The following BRINP3 variants were observed in gnomAD, a reference collection of about 807,000 sequenced individuals.
BRINP3 encodes BMP/retinoic acid inducible neural specific 3.
In BRINP3, 19 loss-of-function variants were observed where a neutral mutation model predicts 71.0. That is an observed-to-expected ratio of 0.27 (90% CI 0.19 to 0.39). The LOEUF (loss-of-function observed/expected upper bound fraction) is 0.39. Ranked by LOEUF, BRINP3 falls within the 10% of genes least tolerant of loss-of-function variation. The pLI is 1.00. For missense variants in BRINP3, 959 were observed against 940.8 expected (o/e 1.02, Z -0.25); for synonymous variants, 380 against 337.7 (o/e 1.13, Z -1.37).
chr1:190,434,964 AG>A (rs1674358300), intron 2 of BRINP3, among the ~76,000 whole-genome samples: 1 of 152,128 alleles, frequency 6.6e-6, no homozygotes, highest in Admixed American at 6.6e-5. Context: ...TTAACAGTAT[AG>A]TTTTCTGTGC....
At chr1:190,304,931 T>C (rs1053008272) in intron 2 of BRINP3, among the ~76,000 whole-genome samples, 1 of 151,432 alleles carries the variant, frequency 6.6e-6, no homozygotes, top group Non-Finnish European at 1.5e-5. Flanking sequence ...AATCAAATAA[T>C]CCAGTTAAAA....
intron 7 of BRINP3, among the ~76,000 whole-genome samples, chr1:190,118,471 T>C (rs979497380): frequency 1.6e-4 from 24 of 152,210 alleles, no homozygotes; most frequent in African/African-American, 5.8e-4. Context: ...ATGTTCCAGA[T>C]ACTTTTCTAA....
intron 6 of BRINP3, among the ~76,000 whole-genome samples, chr1:190,185,249 A>G (rs1433082489): frequency 6.6e-6 from 1 of 152,170 alleles, no homozygotes; most frequent in Admixed American, 6.5e-5. Context: ...AGGAACTCAT[A>G]CAACTCAATA....
intron 6 of BRINP3, among the ~76,000 whole-genome samples, chr1:190,185,886 T>A (rs1280154995): frequency 6.6e-6 from 1 of 152,122 alleles, no homozygotes; most frequent in East Asian, 1.9e-4. Flanking sequence ...ATATTCAATA[T>A]CATCCTTCTA....
At chr1:190,357,636 T>C (rs1188707825) in intron 2 of BRINP3, among the ~76,000 whole-genome samples, 1 of 152,012 alleles carries the variant, frequency 6.6e-6, no homozygotes, top group Non-Finnish European at 1.5e-5. Flanking sequence ...GGCTTAGGAT[T>C]GTCTTGGCGA....
chr1:190,354,939 T>C (rs1170882014), intron 2 of BRINP3, among the ~76,000 whole-genome samples: 1 of 151,862 alleles, frequency 6.6e-6, no homozygotes, highest in Non-Finnish European at 1.5e-5. Flanking sequence ...ATTAATATAT[T>C]TGAGGCTCCA....
chr1:190,159,267 G>C (rs571496343), intron 7 of BRINP3, among the ~76,000 whole-genome samples: 1 of 152,152 alleles, frequency 6.6e-6, no homozygotes, highest in South Asian at 2.1e-4. Flanking sequence ...TTTGTGACTG[G>C]TGAAAATATA....
intron 5 of BRINP3, among the ~76,000 whole-genome samples, chr1:190,232,184 A>G (rs887053193): frequency 2.0e-5 from 3 of 151,996 alleles, no homozygotes; most frequent in African/African-American, 7.2e-5. Flanking sequence ...AGCTAACCCC[A>G]AAAGACATGA....
At chr1:190,398,879 C>T (rs773322623) in intron 2 of BRINP3, among the ~76,000 whole-genome samples, 3 of 151,998 alleles carry the variant, frequency 2.0e-5, no homozygotes, top group Non-Finnish European at 4.4e-5. Context: ...ATTTTCTTCA[C>T]CTTTAAAACA....
intron 2 of BRINP3, among the ~76,000 whole-genome samples, chr1:190,332,676 A>T (rs1667044943): frequency 6.6e-6 from 1 of 151,986 alleles, no homozygotes; most frequent in South Asian, 2.1e-4. Flanking sequence ...GACTGACTGG[A>T]AATAAAGGCA....
intron 2 of BRINP3, among the ~76,000 whole-genome samples, chr1:190,430,006 T>C (rs546794188): frequency 3.3e-5 from 5 of 152,310 alleles, no homozygotes; most frequent in African/African-American, 1.2e-4. Context: ...TTACATGAGA[T>C]TCTAGAAATA....
chr1:190,154,349 G>T (rs963865755), intron 7 of BRINP3, among the ~76,000 whole-genome samples: 2 of 152,172 alleles, frequency 1.3e-5, no homozygotes, highest in South Asian at 4.1e-4. Context: ...AGAAGAAATT[G>T]ATTTCAGGCA....
intron 7 of BRINP3, among the ~76,000 whole-genome samples, chr1:190,109,192 AAAG>A (rs1652456277): frequency 6.6e-6 from 1 of 152,194 alleles, no homozygotes; most frequent in Non-Finnish European, 1.5e-5. Context: ...TGGAGGATAA[AAAG>A]AAGCCACATC....
At position 190,148,596 on chromosome 1, in the gene BRINP3, AAAATAAATAAAT is replaced by A. The variant is rs71123073; in HGVS notation, c.1184+12060_1184+12071del. Among the ~76,000 whole-genome samples the A allele has an allele frequency of 8.3e-3, 1,119 of 134,924 alleles. 4 individuals are homozygous for A. The highest frequency in any genetic ancestry group is 0.017 in the African/African-American group (619 of 36,106). 88.5% of individuals were successfully genotyped at this position (134,924 alleles called of 152,430 possible). ...GGCGACAGAGTTGAGACTCTGTCAC[AAAATAAATAAAT>A]AAATAAATAAATAAATAAATAAATA... On this transcript the variant is annotated intron_variant, in intron 7 of 7. Transcript: ENST00000367462.
rs117930979 is a variant in BRINP3, at chr1:190,371,925, T to C, written c.236+82730A>G. Reference sequence around the variant, plus strand: ...CAGTACTATTACCCCATGTCCGACATTCACGGTGACATAAGCTTCAGGGGC... The same window carrying C: ...CAGTACTATTACCCCATGTCCGACACTCACGGTGACATAAGCTTCAGGGGC... On this transcript the variant is annotated intron_variant, in intron 2 of 7. Coordinates refer to ENST00000367462, the MANE Select transcript of BRINP3 (RefSeq NM_199051.3). 4.5e-4 allele frequency among the ~76,000 whole-genome samples: 69 copies of C among 152,276 alleles called. 1 individual carries two copies. The East Asian group carries it at 0.012, about 26-fold the overall frequency.
At chr1:190,415,413 T>C (rs906059298) in intron 2 of BRINP3, among the ~76,000 whole-genome samples, 9 of 152,288 alleles carry the variant, frequency 5.9e-5, no homozygotes, top group Middle Eastern at 3.4e-3. Context: ...TATGGATTAA[T>C]GATAAATATT....
At chr1:190,184,303 C>T (rs1213809687) in intron 6 of BRINP3, among the ~76,000 whole-genome samples, 2 of 152,092 alleles carry the variant, frequency 1.3e-5, no homozygotes, top group African/African-American at 2.4e-5. Context: ...TTAGTTCAGC[C>T]ACTGTGGAAA....
intron 1 of BRINP3, chr1:190,474,328 A>T (rs1677356516): frequency 6.6e-6 from 1 of 152,666 alleles, no homozygotes; most frequent in South Asian, 2.1e-4. Flanking sequence ...CATATATTCC[A>T]TTGCTTGCAA....
intron 2 of BRINP3, among the ~76,000 whole-genome samples, chr1:190,286,720 C>T (rs924019952): frequency 6.6e-6 from 1 of 151,978 alleles, no homozygotes; most frequent in African/African-American, 2.4e-5. Flanking sequence ...ACAATAGAAT[C>T]TTAAAATAAA....
Sources: gnomAD v4.1 joint callset for allele counts (sites outside exome capture counted in the v4.1 genomes callset) on GRCh38, gnomAD v4.1.1 for gene constraint, MANE v1.5 for transcripts, NCBI Gene and HGNC (gene_info 2026-07-23, HGNC 2026-07-21) for gene names.